The following OTOGL variants were observed in gnomAD, a reference collection of about 807,000 sequenced individuals.
OTOGL encodes the protein otogelin-like protein.
OTOGL carries 285 observed loss-of-function variants against 318.5 expected under a neutral mutation model. That is an observed-to-expected ratio of 0.89 (90% CI 0.81 to 0.99). The LOEUF (loss-of-function observed/expected upper bound fraction) is 0.99. Among genes scored for constraint, OTOGL ranks in the 50% least tolerant of loss-of-function variants. OTOGL has a pLI of 0.00. For synonymous variants in OTOGL, 987 were observed against 936.5 expected (o/e 1.05, Z -0.99); for missense variants, 2,899 against 2,845.6 (o/e 1.02, Z -0.43).
At chr12:80,103,038 AT>A in intron 1 of OTOGL, 1 of 1,075,108 alleles carries the variant, frequency 9.3e-7, no homozygotes, top group Non-Finnish European at 1.4e-6. Flanking sequence ...GCTGGAGTGA[AT>A]GCCTATGTGG....
intron 7 of OTOGL, 67 bp from the exon 8 acceptor site, chr12:80,229,190 T>C (rs763522880): frequency 3.3e-6 from 5 of 1,498,738 alleles, no homozygotes; most frequent in Non-Finnish European, 4.6e-6. Context: ...TAAACATACA[T>C]TGTGGTTTTA....
At chr12:80,242,228 AGTTTTTAGACTTT>A (rs1880445453) in intron 11 of OTOGL, among the ~76,000 whole-genome samples, 1 of 152,190 alleles carries the variant, frequency 6.6e-6, no homozygotes, top group African/African-American at 2.4e-5. Context: ...AAATGTTGAT[AGTTTTTAGACTTT>A]GACTTTTGAA....
At chr12:80,143,674 T>C (rs1872104400) in intron 1 of OTOGL, among the ~76,000 whole-genome samples, 1 of 152,158 alleles carries the variant, frequency 6.6e-6, no homozygotes, top group African/African-American at 2.4e-5. Context: ...GTGTTTGTTT[T>C]GGAGCAGAAG....
chr12:80,356,587 T>C, intron 48 of OTOGL, 67 bp downstream of exon 48: 1 of 1,254,484 alleles, frequency 8.0e-7, no homozygotes, highest in Non-Finnish European at 1.1e-6. Flanking sequence ...AATTAGATTC[T>C]CATTCATTGT....
chr12:80,326,669 A>C (rs1192727945), intron 35 of OTOGL, among the ~76,000 whole-genome samples: 1 of 152,184 alleles, frequency 6.6e-6, no homozygotes, highest in Non-Finnish European at 1.5e-5. Flanking sequence ...TAAGAATGTC[A>C]TATGCTAGTT....
At position 80,117,267 on chromosome 12, in the gene OTOGL, AT is replaced by A. The variant is rs542059273; in HGVS notation, c.-20+17663del. Among the ~76,000 whole-genome samples the A allele has an allele frequency of 1.6e-3, 239 of 149,704 alleles. 1 individual carries two copies. The highest frequency in any genetic ancestry group is 5.7e-3 in the African/African-American group (233 of 40,542). The stretch of plus-strand genomic sequence containing the variant: ...AGCTATCTCTGGGTGACTTAAAAAA[AT>A]ATATATATATAAAATGGAACTCATC... On this transcript the variant is annotated intron_variant, in intron 1 of 58. Transcript: ENST00000547103.
chr12:80,145,477 G>A (rs1472795555), intron 1 of OTOGL, among the ~76,000 whole-genome samples: 4 of 151,954 alleles, frequency 2.6e-5, no homozygotes, highest in Admixed American at 2.0e-4. Context: ...AGTATAGTTT[G>A]AAGTCAGGTA....
chr12:80,314,617 A>AT (rs1886856353), intron 32 of OTOGL, among the ~76,000 whole-genome samples: 1 of 152,144 alleles, frequency 6.6e-6, no homozygotes, highest in South Asian at 2.1e-4. Context: ...AAGTTAGTTA[A>AT]TTTTTTAGAT....
intron 11 of OTOGL, among the ~76,000 whole-genome samples, chr12:80,250,019 C>A (rs567255867): frequency 1.3e-5 from 2 of 152,048 alleles, no homozygotes; most frequent in African/African-American, 4.8e-5. Flanking sequence ...CGCCCTGCTT[C>A]GGCTCGCGCA....
At chr12:80,123,180 C>T (rs1412111844) in intron 1 of OTOGL, among the ~76,000 whole-genome samples, 1 of 152,066 alleles carries the variant, frequency 6.6e-6, no homozygotes, top group Non-Finnish European at 1.5e-5. Flanking sequence ...GCTATCCCTC[C>T]CCCTTCCCCC....
intron 46 of OTOGL, 113 bp downstream of exon 46, chr12:80,353,623 G>A: frequency 2.4e-6 from 2 of 844,550 alleles, no homozygotes; most frequent in Non-Finnish European, 3.3e-6. Flanking sequence ...GCCTCTGTTG[G>A]AAAGGAAATG....
intron 1 of OTOGL, among the ~76,000 whole-genome samples, chr12:80,136,619 T>C (rs1282327975): frequency 6.6e-6 from 1 of 152,188 alleles, no homozygotes; most frequent in Non-Finnish European, 1.5e-5. Flanking sequence ...CTTTTGGACT[T>C]GTTCTTCCTT....
intron 1 of OTOGL, among the ~76,000 whole-genome samples, chr12:80,206,686 ATT>A (rs774957299): frequency 1.5e-4 from 20 of 134,806 alleles, no homozygotes; most frequent in Admixed American, 3.0e-4. Flanking sequence ...ATTGTTTTGT[ATT>A]TTTTTTTTTT....
At chr12:80,117,586 C>A (rs1405832894) in intron 1 of OTOGL, among the ~76,000 whole-genome samples, 3 of 152,276 alleles carry the variant, frequency 2.0e-5, no homozygotes, top group East Asian at 1.9e-4. Flanking sequence ...CTTTCTCTTG[C>A]CAGAATAATC....
chr12:80,364,653 A>T (rs529333713), intron 52 of OTOGL, among the ~76,000 whole-genome samples: 2 of 152,014 alleles, frequency 1.3e-5, no homozygotes, highest in African/African-American at 2.4e-5. Context: ...ATTTCCTATA[A>T]AGAGAATTGT....
Position 80,368,242 on chromosome 12 carries a change from G to T in OTOGL, c.6548G>T (p.Cys2183Phe). The change falls in exon 55 of 59, where the codon TGT (cysteine) becomes TTT (phenylalanine). Residue 2183 changes from cysteine to phenylalanine, a missense_variant. By Grantham distance (205) the Cys-to-Phe change is radical (BLOSUM62 -2). Coordinates refer to ENST00000547103, the MANE Select transcript of OTOGL (RefSeq NM_001378609.3). Reference sequence around the variant, plus strand: ...ACTCCATCCCCAAGTGATTATGGTTGTTGTGGTACCTGCAAAAATGTATCC... The same window carrying T: ...ACTCCATCCCCAAGTGATTATGGTTTTTGTGGTACCTGCAAAAATGTATCC... ...VYTPSPSDYGCCGTCKNVSCK... is the reference protein window; with the variant it reads ...VYTPSPSDYGFCGTCKNVSCK... The T allele has an allele frequency of 1.2e-6, 2 of 1,604,608 alleles. No homozygotes were observed. The highest frequency in any genetic ancestry group is 2.2e-5 in the South Asian group (2 of 89,478).
chr12:80,206,666 T>C (rs867269513), intron 1 of OTOGL, among the ~76,000 whole-genome samples: 28 of 151,698 alleles, frequency 1.8e-4, no homozygotes, highest in African/African-American at 6.8e-4. Flanking sequence ...CATGCTACCA[T>C]GCCCAGCTAA....
chr12:80,143,065 T>C (rs537928691), intron 1 of OTOGL, among the ~76,000 whole-genome samples: 18 of 152,184 alleles, frequency 1.2e-4, no homozygotes, highest in African/African-American at 4.1e-4. Flanking sequence ...GGGAAAATAG[T>C]TGGGTGGCAA....
intron 6 of OTOGL, among the ~76,000 whole-genome samples, chr12:80,221,023 C>A (rs781709134): frequency 7.2e-5 from 11 of 152,026 alleles, no homozygotes; most frequent in African/African-American, 1.2e-4. Context: ...TCACCCTTAC[C>A]TTTATGCCCC....
Sources: gnomAD v4.1 joint callset for allele counts (sites outside exome capture counted in the v4.1 genomes callset) on GRCh38, gnomAD v4.1.1 for gene constraint, MANE v1.5 for transcripts, NCBI Gene and HGNC (gene_info 2026-07-23, HGNC 2026-07-21) for gene names.